Variants in WDR27 observed in about 807,000 individuals in gnomAD.
WDR27 encodes the protein WD repeat-containing protein 27.
Under a neutral mutation model 114.4 loss-of-function variants are expected in WDR27, and 100 were observed. That is an observed-to-expected ratio of 0.87 (90% CI 0.74 to 1.03). The LOEUF is 1.03. WDR27 is among the 50% of genes least tolerant of loss of function. The probability of loss-of-function intolerance (pLI) is 0.00; values close to 1 mark genes in which losing one functional copy is unlikely to be tolerated. For missense variants in WDR27, 1,129 were observed against 1,092.9 expected (o/e 1.03, Z -0.47); for synonymous variants, 449 against 423.1 (o/e 1.06, Z -0.75).
chr6:169,591,939 G>A (rs867547795), intron 23 of WDR27, among the ~76,000 whole-genome samples: 1 of 151,662 alleles, frequency 6.6e-6, no homozygotes. Context: ...CACCCAGGGA[G>A]TTCTGGCTTC....
chr6:169,696,744 T>C (rs1352979714), intron 1 of WDR27, among the ~76,000 whole-genome samples: 1 of 151,962 alleles, frequency 6.6e-6, no homozygotes, highest in Admixed American at 6.6e-5. Context: ...TGAAGCCCCA[T>C]CTCTACTAAA....
chr6:169,639,198 C>T (rs982197375), intron 17 of WDR27, among the ~76,000 whole-genome samples: 2 of 144,004 alleles, frequency 1.4e-5, no homozygotes, highest in African/African-American at 5.1e-5. Flanking sequence ...GCGTGTACTG[C>T]GTGGTGCTGG....
intron 23 of WDR27, 53 bp downstream of exon 23, chr6:169,602,166 A>C: frequency 5.1e-6 from 7 of 1,365,936 alleles, no homozygotes; most frequent in Non-Finnish European, 7.0e-6. Flanking sequence ...AACAGTCTAC[A>C]CATTACCAAA....
chr6:169,455,143 C>T (rs932052430), downstream of WDR27, among the ~76,000 whole-genome samples: 3 of 152,352 alleles, frequency 2.0e-5, no homozygotes, highest in African/African-American at 2.4e-5. Context: ...GCTCAGTCCT[C>T]GTCACACAGA....
rs1398420367 is a variant in WDR27, at chr6:169,649,246, A to T, written c.1511T>A (p.Ile504Asn). The stretch of plus-strand genomic sequence containing the variant: ...TGAAGATCCTTTCCCCTCACTCTTG[A>T]TGTTGGTCTTTGGTGAAAACATAGT... The part of the protein sequence containing the change: ...HVTMFSPKTN[I>N]KSEGKGSSRS... The change falls in exon 15 of 26, where the codon ATC becomes AAC. Residue 504 changes from isoleucine (I) to asparagine (N), a missense_variant. By Grantham distance (149) the Ile-to-Asn change is moderately radical. Transcript: ENST00000448612. 3 of 1,577,964 alleles carry T rather than the reference A, an allele frequency of 1.9e-6. No homozygotes were observed. The highest frequency in any genetic ancestry group is 2.6e-6 in the Non-Finnish European group (3 of 1,161,092).
chr6:169,645,023 T>TAAAAAAAAAAATAAAAAAAAAA (rs1820200961), intron 16 of WDR27, among the ~76,000 whole-genome samples: 5 of 46,980 alleles, frequency 1.1e-4, no homozygotes, highest in Non-Finnish European at 1.6e-4. Flanking sequence ...AAAAAAAAAA[T>TAAAAAAAAAAATAAAAAAAAAA]AAAAAAAAAA....
chr6:169,509,117 A>G (rs889876826), intron 25 of WDR27, among the ~76,000 whole-genome samples: 1 of 152,208 alleles, frequency 6.6e-6, no homozygotes, highest in Non-Finnish European at 1.5e-5. Flanking sequence ...CCACTGCTCA[A>G]TGAAATAAAA....
intron 25 of WDR27, among the ~76,000 whole-genome samples, chr6:169,561,339 T>G (rs1368393948): frequency 6.6e-6 from 1 of 152,096 alleles, no homozygotes; most frequent in African/African-American, 2.4e-5. Flanking sequence ...CACCATCATC[T>G]TAAGAGAGAG....
intron 6 of WDR27, chr6:169,666,433 C>G: frequency 1.0e-6 from 1 of 985,450 alleles, no homozygotes; most frequent in Non-Finnish European, 1.2e-6. Flanking sequence ...GAAGAACGCT[C>G]TCCTTTTAAT....
At chr6:169,682,124 C>A (rs1018996559) in intron 2 of WDR27, among the ~76,000 whole-genome samples, 9 of 152,190 alleles carry the variant, frequency 5.9e-5, no homozygotes, top group African/African-American at 2.2e-4. Flanking sequence ...TCCAGCCCAT[C>A]CTGCTGCAGT....
chr6:169,673,167 T>C (rs996517344), intron 2 of WDR27, among the ~76,000 whole-genome samples: 1 of 151,970 alleles, frequency 6.6e-6, no homozygotes, highest in Non-Finnish European at 1.5e-5. Context: ...AGGGATAGGG[T>C]TTGAGGTTAA....
intron 24 of WDR27, among the ~76,000 whole-genome samples, chr6:169,577,401 G>A (rs1391306892): frequency 2.0e-5 from 3 of 152,186 alleles, no homozygotes; most frequent in Non-Finnish European, 4.4e-5. Context: ...TTCGCCCACA[G>A]GGAAAGGGGA....
At chr6:169,649,861 TTGAGCC>T (rs1821809452) in intron 14 of WDR27, among the ~76,000 whole-genome samples, 2 of 139,442 alleles carry the variant, frequency 1.4e-5, no homozygotes, top group Middle Eastern at 4.3e-3. Flanking sequence ...CCCCCATCAA[TTGAGCC>T]ACTCATCCAT....
intron 25 of WDR27, among the ~76,000 whole-genome samples, chr6:169,464,162 A>T (rs1442416632): frequency 6.6e-6 from 1 of 152,230 alleles, no homozygotes; most frequent in African/African-American, 2.4e-5. Flanking sequence ...TCAAAACAAG[A>T]TGTCACTGGC....
At chr6:169,641,331 C>T (rs573982217) in intron 17 of WDR27, among the ~76,000 whole-genome samples, 1 of 148,622 alleles carries the variant, frequency 6.7e-6, no homozygotes, top group Admixed American at 6.7e-5. Context: ...CCTCGGGAGC[C>T]AATCCCCACG....
At chr6:169,630,773 A>T (rs566719994) in intron 21 of WDR27, among the ~76,000 whole-genome samples, 1 of 152,262 alleles carries the variant, frequency 6.6e-6, no homozygotes, top group East Asian at 1.9e-4. Flanking sequence ...ACGCGCCTGT[A>T]ATCCCAGCTA....
intron 2 of WDR27, among the ~76,000 whole-genome samples, chr6:169,688,443 T>A (rs552757176): frequency 2.0e-5 from 3 of 152,256 alleles, no homozygotes; most frequent in Admixed American, 6.5e-5. Flanking sequence ...TTATAGTCAT[T>A]ACAACATGCA....
chr6:169,506,278 G>C (rs1482855822), intron 25 of WDR27, among the ~76,000 whole-genome samples: 2 of 152,090 alleles, frequency 1.3e-5, no homozygotes, highest in Non-Finnish European at 2.9e-5. Flanking sequence ...CACTGGTCAG[G>C]ATACATTATA....
downstream of WDR27, among the ~76,000 whole-genome samples, chr6:169,453,808 A>G (rs59653660): frequency 0.016 from 2,495 of 152,332 alleles, 68 homozygotes; most frequent in African/African-American, 0.057. Flanking sequence ...TAAATGTAAG[A>G]TAATTTCATA....
Sources: allele counts gnomAD v4.1 joint callset (sites outside exome capture counted in the v4.1 genomes callset), GRCh38; gene constraint gnomAD v4.1.1; transcripts MANE v1.5; gene names NCBI Gene and HGNC (gene_info 2026-07-23, HGNC 2026-07-21).